Variants in DYNC2I2 observed in about 807,000 individuals in gnomAD.
DYNC2I2 encodes the protein dynein 2 intermediate chain 2.
Under a neutral mutation model 52.0 loss-of-function variants are expected in DYNC2I2, and 39 were observed. The observed-to-expected ratio is 0.75, with a 90% CI of 0.58 to 0.98. The LOEUF is 0.98. Among genes scored for constraint, DYNC2I2 ranks in the 50% least tolerant of loss-of-function variants. DYNC2I2 has a pLI of 0.00. For synonymous variants in DYNC2I2, 359 were observed against 321.1 expected (o/e 1.12, Z -1.26); for missense variants, 743 against 728.4 (o/e 1.02, Z -0.23).
At chr9:128,643,370 C>CA (rs1041609701) in intron 1 of DYNC2I2, among the ~76,000 whole-genome samples, 19 of 151,892 alleles carry the variant, frequency 1.3e-4, no homozygotes, top group African/African-American at 3.6e-4. Flanking sequence ...ACTAAAAATA[C>CA]AAAAAAATTA....
Position 128,635,149 on chromosome 9 carries a change from G to A in DYNC2I2, c.924C>T (p.Leu308=). ...WQGIGVGQLQ[L]TEGFALVMQQ... is the part of the protein sequence containing the mutation. ...GCATGACCAGGGCGAAGCCCTCTGT[G>A]AGCTGCAGCTGGCCTACCCCGATGC... Residue 308 remains leucine, a synonymous_variant, in exon 6 of 9, where the codon CTC becomes CTT. Coordinates refer to ENST00000372715, the MANE Select transcript of DYNC2I2 (RefSeq NM_052844.4). 6.2e-7 allele frequency: 1 copy of A among 1,613,470 alleles called. No individual in the cohort carries two copies. The highest frequency in any genetic ancestry group is 1.3e-5 in the African/African-American group (1 of 75,050).
chr9:128,649,510 G>A (rs1439564925), intron 1 of DYNC2I2, among the ~76,000 whole-genome samples: 1 of 151,444 alleles, frequency 6.6e-6, no homozygotes, highest in Non-Finnish European at 1.5e-5. Context: ...CCAACATGGT[G>A]AAACCCTGCC....
chr9:128,637,784 C>T (rs1860443162), intron 2 of DYNC2I2, among the ~76,000 whole-genome samples: 1 of 152,204 alleles, frequency 6.6e-6, no homozygotes, highest in African/African-American at 2.4e-5. Context: ...TGCTTTCAGC[C>T]CTGCAGCCGG....
At chr9:128,669,814 G>C in the DYNC2I2 span, among the ~76,000 whole-genome samples, 1 of 152,094 alleles carries the variant, frequency 6.6e-6, no homozygotes, top group Non-Finnish European at 1.5e-5. Flanking sequence ...TAGTAGCTGC[G>C]ATTACAGGTG....
chr9:128,654,411 A>G (rs1465016633), intron 1 of DYNC2I2, among the ~76,000 whole-genome samples: 1 of 152,040 alleles, frequency 6.6e-6, no homozygotes, highest in African/African-American at 2.4e-5. Context: ...AAGTCCTTAC[A>G]ATACTCTGAC....
chr9:128,669,177 A>G, the DYNC2I2 span, among the ~76,000 whole-genome samples: 17 of 151,974 alleles, frequency 1.1e-4, no homozygotes, highest in Non-Finnish European at 1.8e-4. Flanking sequence ...CATCCTGGCT[A>G]ACACGGTGAA....
intron 2 of DYNC2I2, among the ~76,000 whole-genome samples, chr9:128,638,810 G>A (rs1860459864): frequency 6.6e-6 from 1 of 152,218 alleles, no homozygotes; most frequent in South Asian, 2.1e-4. Flanking sequence ...ATTAGCTGAT[G>A]AGTGGCTAAA....
At chr9:128,644,406 C>T (rs963896222) in intron 1 of DYNC2I2, among the ~76,000 whole-genome samples, 185 of 151,874 alleles carry the variant, frequency 1.2e-3, no homozygotes, top group African/African-American at 4.3e-3. Flanking sequence ...CCCCAAGTAG[C>T]TGGGACTACA....
intron 1 of DYNC2I2, among the ~76,000 whole-genome samples, chr9:128,646,745 G>A (rs2132168647): frequency 6.6e-6 from 1 of 152,372 alleles, no homozygotes; most frequent in South Asian, 2.1e-4. Context: ...CACTTTGGGA[G>A]GCCAATGAAG....
chr9:128,661,775 C>T (rs184694161), upstream of DYNC2I2, among the ~76,000 whole-genome samples: 54 of 151,418 alleles, frequency 3.6e-4, no homozygotes, highest in East Asian at 8.7e-3. Flanking sequence ...GGCTTGGTGG[C>T]TCATGCCTGT....
At chr9:128,682,960 G>C in the DYNC2I2 span, among the ~76,000 whole-genome samples, 3 of 149,738 alleles carry the variant, frequency 2.0e-5, no homozygotes, top group Non-Finnish European at 3.0e-5. Flanking sequence ...ACAGGCTTGA[G>C]TCACTGCGCC....
the DYNC2I2 span, among the ~76,000 whole-genome samples, chr9:128,667,767 C>T: frequency 2.0e-5 from 3 of 149,112 alleles, no homozygotes; most frequent in Admixed American, 6.7e-5. Flanking sequence ...GGAGTCTCAC[C>T]CTGTTGCCAG....
intron 1 of DYNC2I2, among the ~76,000 whole-genome samples, chr9:128,642,825 G>A (rs1283973534): frequency 6.6e-6 from 1 of 152,120 alleles, no homozygotes; most frequent in Non-Finnish European, 1.5e-5. Context: ...CAGCAGAAAA[G>A]AAAATGTGCA....
At chr9:128,635,018 A>G (rs1211113617) in intron 6 of DYNC2I2, 74 bp downstream of exon 6, 2 of 1,583,090 alleles carry the variant, frequency 1.3e-6, no homozygotes, top group Non-Finnish European at 1.7e-6. Context: ...ACAGCAAGTC[A>G]GGCCCACTGC....
the DYNC2I2 span, among the ~76,000 whole-genome samples, chr9:128,673,742 G>C: frequency 6.6e-6 from 1 of 151,464 alleles, no homozygotes; most frequent in Non-Finnish European, 1.5e-5. Flanking sequence ...TCCTGACCTC[G>C]TGATCCGCCC....
chr9:128,664,984 C>T, the DYNC2I2 span, among the ~76,000 whole-genome samples: 2 of 151,254 alleles, frequency 1.3e-5, no homozygotes, highest in African/African-American at 4.9e-5. Context: ...AAAATAAAAA[C>T]AAGAAAAATA....
chr9:128,657,667 G>T (rs1171095944), upstream of DYNC2I2, among the ~76,000 whole-genome samples: 1 of 152,000 alleles, frequency 6.6e-6, no homozygotes, highest in Non-Finnish European at 1.5e-5. Context: ...ACTTAGCTGG[G>T]CATGGTGGCA....
At chr9:128,665,769 C>CAA in the DYNC2I2 span, among the ~76,000 whole-genome samples, 135 of 72,120 alleles carry the variant, frequency 1.9e-3, 1 homozygote, top group African/African-American at 5.1e-3. Context: ...GACTCTGTGT[C>CAA]AAAAAAAAAA....
At chr9:128,683,149 C>T in the DYNC2I2 span, among the ~76,000 whole-genome samples, 6 of 152,060 alleles carry the variant, frequency 3.9e-5, no homozygotes, top group Admixed American at 3.3e-4. Flanking sequence ...TGCCCACCAC[C>T]ACGCCCAGCT....
Sources: allele counts gnomAD v4.1 joint callset (sites outside exome capture counted in the v4.1 genomes callset), GRCh38; gene constraint gnomAD v4.1.1; transcripts MANE v1.5; gene names NCBI Gene and HGNC (gene_info 2026-07-23, HGNC 2026-07-21).